KDM4C: variants seen among roughly 807,000 people sequenced by gnomAD.
KDM4C encodes lysine demethylase 4C, also known as lysine-specific demethylase 4C.
A neutral mutation model predicts 129.3 loss-of-function variants in KDM4C; 81 were observed. The observed-to-expected ratio is 0.63, with a 90% CI of 0.52 to 0.75. The LOEUF is 0.75. Ranked by LOEUF, KDM4C falls within the 30% of genes least tolerant of loss-of-function variation. The probability of loss-of-function intolerance (pLI) is 0.00; values close to 1 mark genes in which losing one functional copy is unlikely to be tolerated. For synonymous variants in KDM4C, 573 were observed against 456.1 expected (o/e 1.26, Z -3.26); for missense variants, 1,457 against 1,304.0 (o/e 1.12, Z -1.81).
At chr9:6,828,597 G>A (rs1834278794) in intron 4 of KDM4C, among the ~76,000 whole-genome samples, 1 of 137,548 alleles carries the variant, frequency 7.3e-6, no homozygotes, top group African/African-American at 3.6e-5. Context: ...GGGGCCAGGT[G>A]CGGTGGCTCA....
At chr9:7,060,550 C>T (rs933488700) in intron 17 of KDM4C, among the ~76,000 whole-genome samples, 8 of 151,152 alleles carry the variant, frequency 5.3e-5, no homozygotes, top group Admixed American at 1.3e-4. Flanking sequence ...GGTGCGATCT[C>T]GGTTCACTGC....
At chr9:6,954,658 T>G (rs1195241630) in intron 8 of KDM4C, among the ~76,000 whole-genome samples, 1 of 152,212 alleles carries the variant, frequency 6.6e-6, no homozygotes, top group Admixed American at 6.5e-5. Flanking sequence ...AGGCAGCTTT[T>G]ACAAGGCTAA....
chr9:6,968,607 A>G (rs1267797866), intron 8 of KDM4C, among the ~76,000 whole-genome samples: 1 of 152,208 alleles, frequency 6.6e-6, no homozygotes, highest in Non-Finnish European at 1.5e-5. Context: ...CTTCTGCGTT[A>G]TAAGTTTACT....
chr9:7,136,565 T>C (rs2129750575), intron 19 of KDM4C, among the ~76,000 whole-genome samples: 1 of 152,382 alleles, frequency 6.6e-6, no homozygotes, highest in South Asian at 2.1e-4. Flanking sequence ...TAATTTATGT[T>C]TCCCTATTGA....
chr9:7,094,235 G>A (rs2133070240), intron 17 of KDM4C, among the ~76,000 whole-genome samples: 1 of 152,330 alleles, frequency 6.6e-6, no homozygotes, highest in East Asian at 1.9e-4. Flanking sequence ...GTAATACAGT[G>A]CAAAGCCACA....
chr9:7,021,439 C>T (rs1022685952), intron 15 of KDM4C, among the ~76,000 whole-genome samples: 8 of 152,170 alleles, frequency 5.3e-5, no homozygotes, highest in Admixed American at 3.3e-4. Context: ...GCCACTGGGC[C>T]TGGCCTGTCG....
intron 18 of KDM4C, among the ~76,000 whole-genome samples, chr9:7,125,187 A>G (rs1386519758): frequency 6.6e-6 from 1 of 152,166 alleles, no homozygotes; most frequent in Non-Finnish European, 1.5e-5. Context: ...CACCATAGCA[A>G]GACCTCTTGC....
At chr9:7,100,526 G>C (rs1164849834) in intron 17 of KDM4C, among the ~76,000 whole-genome samples, 1 of 152,092 alleles carries the variant, frequency 6.6e-6, no homozygotes, top group East Asian at 1.9e-4. Context: ...TTTTAGTAGA[G>C]ATGGGGTTTT....
chr9:7,028,929 T>G (rs935973151), intron 15 of KDM4C, among the ~76,000 whole-genome samples: 4 of 151,550 alleles, frequency 2.6e-5, no homozygotes, highest in Non-Finnish European at 4.4e-5. Flanking sequence ...AGGGGCGGCG[T>G]TGGTGATTCA....
At chr9:7,016,824 C>T (rs1823785686) in intron 15 of KDM4C, among the ~76,000 whole-genome samples, 1 of 152,124 alleles carries the variant, frequency 6.6e-6, no homozygotes. Context: ...CAGAATTTTT[C>T]TTCATTTTCT....
intron 8 of KDM4C, among the ~76,000 whole-genome samples, chr9:6,945,893 G>A (rs1048733085): frequency 2.6e-5 from 4 of 152,136 alleles, no homozygotes; most frequent in African/African-American, 9.7e-5. Context: ...GAAATCAGAA[G>A]CAGCACAGTT....
intron 17 of KDM4C, among the ~76,000 whole-genome samples, chr9:7,073,772 C>T (rs1293459216): frequency 1.1e-4 from 16 of 152,152 alleles, no homozygotes; most frequent in Non-Finnish European, 2.9e-5. Flanking sequence ...ATTAGCCTTG[C>T]AGGGCCCATC....
At chr9:7,049,235 T>G in intron 17 of KDM4C, 35 bp downstream of exon 17, 1 of 1,140,194 alleles carries the variant, frequency 8.8e-7, no homozygotes, top group East Asian at 2.4e-5. Flanking sequence ...CCTCATAAAT[T>G]AGTGTTAATT....
chr9:6,856,532 CTGTGTGCGTGTGTGTGTGTGTG>C lies in KDM4C; in HGVS notation c.629+6839_629+6860del, dbSNP rs1839840547. Among the ~76,000 whole-genome samples the C allele has an allele frequency of 3.1e-5, 4 of 127,602 alleles. No homozygotes were observed. The South Asian group carries it at 7.6e-4, about 24-fold the overall frequency. The allele number at this position is 127,602 out of a possible 152,430, so 83.7% of individuals were successfully genotyped here. ...TGATTAGTTTTAGGCATATCTCTCT[CTGTGTGCGTGTGTGTGTGTGTG>C]TGTGTGTGTGTGTGTGTGTGTGTGT... On this transcript the variant is annotated intron_variant, in intron 5 of 21. Transcript: ENST00000381309.
intron 1 of KDM4C, among the ~76,000 whole-genome samples, chr9:6,780,473 G>A (rs557395667): frequency 1.3e-5 from 2 of 151,606 alleles, no homozygotes; most frequent in South Asian, 4.2e-4. Flanking sequence ...ACAAAAAAAC[G>A]AAAGAGAAAT....
chr9:6,999,732 G>T (rs1260397902), intron 12 of KDM4C, among the ~76,000 whole-genome samples: 2 of 137,022 alleles, frequency 1.5e-5, no homozygotes, highest in Non-Finnish European at 3.1e-5. Flanking sequence ...ATGACTGTCT[G>T]CTTTAGGGTA....
At chr9:6,912,066 C>T (rs944597254) in intron 8 of KDM4C, among the ~76,000 whole-genome samples, 1 of 152,166 alleles carries the variant, frequency 6.6e-6, no homozygotes, top group African/African-American at 2.4e-5. Context: ...TGGCACAGAA[C>T]GGGAAGATGG....
chr9:6,949,189 G>C (rs533842178), intron 8 of KDM4C, among the ~76,000 whole-genome samples: 2 of 150,272 alleles, frequency 1.3e-5, no homozygotes, highest in South Asian at 2.1e-4. Flanking sequence ...GCCGGGCGGA[G>C]GGGCTCCTCA....
intron 12 of KDM4C, among the ~76,000 whole-genome samples, chr9:6,990,931 G>A (rs1042082564): frequency 1.4e-4 from 22 of 152,072 alleles, no homozygotes; most frequent in African/African-American, 4.6e-4. Context: ...AAAAGTCTAT[G>A]TGCCATATCC....
Sources: allele counts gnomAD v4.1 joint callset (sites outside exome capture counted in the v4.1 genomes callset), GRCh38; gene constraint gnomAD v4.1.1; transcripts MANE v1.5; gene names NCBI Gene and HGNC (gene_info 2026-07-23, HGNC 2026-07-21).